Variants in PCMTD1 observed in about 807,000 individuals in gnomAD.
PCMTD1 encodes the protein protein-L-isoaspartate O-methyltransferase domain-containing protein 1.
Under a neutral mutation model 37.6 loss-of-function variants are expected in PCMTD1, and 12 were observed. The ratio of observed to expected loss-of-function variants is 0.32; its 90% confidence interval spans 0.20 to 0.52. The LOEUF (loss-of-function observed/expected upper bound fraction) is 0.52. Ranked by LOEUF, PCMTD1 falls within the 20% of genes least tolerant of loss-of-function variation. The probability of loss-of-function intolerance (pLI) is 0.97; values close to 1 mark genes in which losing one functional copy is unlikely to be tolerated. For synonymous variants in PCMTD1, 117 were observed against 135.8 expected, an observed-to-expected ratio of 0.86 and a Z score of 0.96; for missense variants, 235 against 421.3, an observed-to-expected ratio of 0.56 and a Z score of 3.87.
chr8:51,899,127 G>A (rs1020027169), upstream of PCMTD1: 11 of 1,396,092 alleles, frequency 7.9e-6, no homozygotes, highest in Middle Eastern at 2.6e-4. Context: ...GAGAACCACG[G>A]GCACAGGGGC....
At chr8:51,829,089 A>G (rs1193678991) in intron 5 of PCMTD1, among the ~76,000 whole-genome samples, 1 of 152,206 alleles carries the variant, frequency 6.6e-6, no homozygotes, top group South Asian at 2.1e-4. Flanking sequence ...CTGAATTACG[A>G]AAGGTTGAAA....
At chr8:51,835,395 TATTTA>T (rs1452597941) in intron 3 of PCMTD1, among the ~76,000 whole-genome samples, 1 of 152,206 alleles carries the variant, frequency 6.6e-6, no homozygotes, top group Non-Finnish European at 1.5e-5. Context: ...TAGAGAATCA[TATTTA>T]ATTTCTCTTT....
At chr8:51,872,445 T>C (rs2038652345) in intron 1 of PCMTD1, among the ~76,000 whole-genome samples, 1 of 152,174 alleles carries the variant, frequency 6.6e-6, no homozygotes, top group Non-Finnish European at 1.5e-5. Flanking sequence ...TTTTAAAATA[T>C]ATATCCTTAT....
At chr8:51,873,948 C>T in intron 1 of PCMTD1, among the ~76,000 whole-genome samples, 1 of 147,742 alleles carries the variant, frequency 6.8e-6, no homozygotes, top group Non-Finnish European at 1.5e-5. Flanking sequence ...GACTCTTGCT[C>T]TGTCACCAGG....
chr8:51,832,175 C>T (rs13261243), intron 4 of PCMTD1, among the ~76,000 whole-genome samples: 104,583 of 152,102 alleles, frequency 0.69, 42,393 homozygotes, highest in Non-Finnish European at 0.9. Flanking sequence ...CTCGTTATTA[C>T]ATCTGATGTT....
At chr8:51,871,261 G>C (rs1429071458) in intron 1 of PCMTD1, among the ~76,000 whole-genome samples, 1 of 152,202 alleles carries the variant, frequency 6.6e-6, no homozygotes, top group Admixed American at 6.5e-5. Context: ...GTCAAGGACA[G>C]TACATACAGA....
chr8:51,827,010 T>C, intron 5 of PCMTD1: 2 of 957,246 alleles, frequency 2.1e-6, no homozygotes, highest in African/African-American at 3.5e-5. Flanking sequence ...TATATTATTT[T>C]TGGGATTTTT....
intron 1 of PCMTD1, among the ~76,000 whole-genome samples, chr8:51,892,602 T>C (rs756896843): frequency 1.1e-4 from 16 of 152,270 alleles, no homozygotes; most frequent in Non-Finnish European, 2.1e-4. Context: ...ACGGTTGTAA[T>C]AGTTAGAAAC....
Position 51,895,402 on chromosome 8 carries a change from T to C in PCMTD1, c.-96+3528A>G, listed in dbSNP as rs182264052. 6.8e-4 allele frequency among the ~76,000 whole-genome samples: 104 copies of C among 152,340 alleles called. 2 individuals carry two copies. Among genetic ancestry groups the C allele is most frequent in the Admixed American group, 5.9e-4 (9 of 15,308 alleles). On this transcript the variant is annotated intron_variant, in intron 1 of 5. Coordinates refer to ENST00000522514, the MANE Select transcript of PCMTD1 (RefSeq NM_052937.4). ...GAGCCTGCAAGTTACTGAAGAGTGCTCAGTAGAAAACACAGAAGAGTGTTT... is the reference window on the plus strand; with the variant it reads ...GAGCCTGCAAGTTACTGAAGAGTGCCCAGTAGAAAACACAGAAGAGTGTTT...
At chr8:51,847,876 G>T (rs6982622) in intron 2 of PCMTD1, among the ~76,000 whole-genome samples, 1 of 151,754 alleles carries the variant, frequency 6.6e-6, no homozygotes, top group Non-Finnish European at 1.5e-5. Flanking sequence ...CTAGGACTTC[G>T]AGACCAGCCT....
upstream of PCMTD1, chr8:51,899,090 G>A (rs2039059124): frequency 5.4e-6 from 8 of 1,478,274 alleles, no homozygotes; most frequent in Non-Finnish European, 6.3e-6. Flanking sequence ...CCCGGACTCC[G>A]GAGCCGCCGG....
At chr8:51,854,423 A>G (rs150412332) in intron 2 of PCMTD1, among the ~76,000 whole-genome samples, 1 of 152,296 alleles carries the variant, frequency 6.6e-6, no homozygotes, top group African/African-American at 2.4e-5. Context: ...CTCCATACAG[A>G]GAACAAGAGC....
chr8:51,892,758 T>A (rs1180046282), intron 1 of PCMTD1, among the ~76,000 whole-genome samples: 3 of 152,224 alleles, frequency 2.0e-5, no homozygotes, highest in African/African-American at 7.2e-5. Context: ...GATATATGGT[T>A]ATGTGAAAAT....
intron 1 of PCMTD1, among the ~76,000 whole-genome samples, chr8:51,876,736 CAA>C (rs2038718195): frequency 6.6e-6 from 1 of 152,044 alleles, no homozygotes; most frequent in African/African-American, 2.4e-5. Context: ...GGAATCTAAA[CAA>C]GAGATTGATG....
intron 3 of PCMTD1, chr8:51,839,517 C>T: frequency 3.0e-6 from 3 of 985,348 alleles, no homozygotes; most frequent in Non-Finnish European, 3.6e-6. Context: ...TGATTTCGTT[C>T]ACAGCAGGGA....
At chr8:51,884,681 T>C (rs1372129935) in intron 1 of PCMTD1, among the ~76,000 whole-genome samples, 1 of 152,196 alleles carries the variant, frequency 6.6e-6, no homozygotes, top group Non-Finnish European at 1.5e-5. Flanking sequence ...ACGAGGATGC[T>C]GCAGTGCAGG....
intron 1 of PCMTD1, among the ~76,000 whole-genome samples, chr8:51,880,274 C>G (rs1162146323): frequency 6.6e-6 from 1 of 151,788 alleles, no homozygotes; most frequent in Non-Finnish European, 1.5e-5. Context: ...TACTAAACCA[C>G]CAGTAAATAT....
intron 1 of PCMTD1, among the ~76,000 whole-genome samples, chr8:51,892,631 G>T (rs1052176480): frequency 2.0e-5 from 3 of 152,114 alleles, no homozygotes; most frequent in African/African-American, 7.2e-5. Context: ...CATTAGTAGG[G>T]AATATAGTTA....
chr8:51,839,533 C>A (rs2038115467), intron 3 of PCMTD1: 5 of 985,254 alleles, frequency 5.1e-6, no homozygotes, highest in Non-Finnish European at 6.0e-6. Flanking sequence ...AGGGACCTTG[C>A]CAACTTGCCC....
Sources: gnomAD v4.1 joint callset for allele counts (sites outside exome capture counted in the v4.1 genomes callset) on GRCh38, gnomAD v4.1.1 for gene constraint, MANE v1.5 for transcripts, NCBI Gene and HGNC (gene_info 2026-07-23, HGNC 2026-07-21) for gene names.